Variants in MCHR2 observed in about 807,000 individuals in gnomAD.
MCHR2 encodes melanin-concentrating hormone receptor 2.
A neutral mutation model predicts 24.8 loss-of-function variants in MCHR2; 15 were observed. The ratio of observed to expected loss-of-function variants is 0.60; its 90% CI spans 0.40 to 0.93. The LOEUF (loss-of-function observed/expected upper bound fraction) is 0.93. Ranked by LOEUF, MCHR2 falls within the 40% of genes least tolerant of loss-of-function variation. The probability of loss-of-function intolerance (pLI) is 0.00; values close to 1 mark genes in which losing one functional copy is unlikely to be tolerated. For synonymous variants in MCHR2, 151 were observed against 147.6 expected (o/e 1.02, Z -0.17); for missense variants, 386 against 408.7 (o/e 0.94, Z 0.48).
chr6:99,926,534 G>C (rs1164038154), intron 5 of MCHR2, among the ~76,000 whole-genome samples: 6 of 152,168 alleles, frequency 3.9e-5, no homozygotes, highest in Non-Finnish European at 8.8e-5. Flanking sequence ...ATTCTAACTG[G>C]TGTGAGATGG....
intron 2 of MCHR2, among the ~76,000 whole-genome samples, chr6:99,955,384 C>A (rs1441913196): frequency 6.6e-6 from 1 of 152,138 alleles, no homozygotes; most frequent in East Asian, 1.9e-4. Flanking sequence ...TACTCGGGGG[C>A]AGATGTCTCT....
Position 99,943,028 on chromosome 6 carries a change from C to T in MCHR2, c.508G>A (p.Val170Ile), listed in dbSNP as rs974995554. 23 of 1,613,118 alleles carry T rather than the reference C, an allele frequency of 1.4e-5. No individual in the cohort carries two copies. Among genetic ancestry groups the T allele is most frequent in the Non-Finnish European group, 1.9e-5 (22 of 1,179,390 alleles). The change falls in exon 4 of 6, where the codon GTC (valine) becomes ATC (isoleucine). Residue 170 changes from valine (V) to isoleucine (I), a missense_variant. By Grantham distance (29) the Val-to-Ile change is conservative. Transcript: ENST00000281806. The stretch of plus-strand genomic sequence containing the variant: ...TTAAATTTGATGACCTTCGAGTAGA[C>T]CCAGACAGGCAATGCCAGGATAAAG... ...ASFILALPVW[V>I]YSKVIKFKDG... is the part of the protein sequence containing the mutation.
intron 3 of MCHR2, among the ~76,000 whole-genome samples, chr6:99,946,535 C>A (rs1156324443): frequency 1.3e-5 from 2 of 152,058 alleles, no homozygotes; most frequent in Non-Finnish European, 2.9e-5. Flanking sequence ...TTTAACATAC[C>A]CTTCAAGACA....
chr6:99,938,175 G>C (rs866923360), intron 4 of MCHR2, among the ~76,000 whole-genome samples: 9 of 151,646 alleles, frequency 5.9e-5, no homozygotes, highest in Non-Finnish European at 1.2e-4. Flanking sequence ...ATCGTCTGTA[G>C]TTTTTTTAGT....
intron 5 of MCHR2, among the ~76,000 whole-genome samples, chr6:99,927,893 G>C (rs1356916031): frequency 6.6e-6 from 1 of 152,092 alleles, no homozygotes; most frequent in Non-Finnish European, 1.5e-5. Context: ...AGTGGTGAGA[G>C]AGGGCATCCC....
intron 1 of MCHR2, among the ~76,000 whole-genome samples, chr6:99,969,733 C>A (rs1455296655): frequency 8.4e-6 from 1 of 118,734 alleles, no homozygotes; most frequent in Non-Finnish European, 1.6e-5. Flanking sequence ...CCACAACAGT[C>A]CCCAGAGTGT....
At chr6:99,947,164 A>G (rs1438017098) in intron 3 of MCHR2, among the ~76,000 whole-genome samples, 3 of 152,196 alleles carry the variant, frequency 2.0e-5, no homozygotes. Flanking sequence ...TTCTAATAAT[A>G]TAAAATAACA....
At chr6:99,930,282 C>T (rs1421856295) in intron 5 of MCHR2, among the ~76,000 whole-genome samples, 1 of 152,116 alleles carries the variant, frequency 6.6e-6, no homozygotes, top group East Asian at 1.9e-4. Flanking sequence ...TTTTTTCCTT[C>T]ATTTCAACTT....
At chr6:99,975,620 G>A (rs1375358642) in intron 1 of MCHR2, among the ~76,000 whole-genome samples, 9 of 152,320 alleles carry the variant, frequency 5.9e-5, no homozygotes, top group Non-Finnish European at 1.0e-4. Flanking sequence ...AGATGAACCC[G>A]GTGCCTCAGA....
chr6:99,931,268 G>A (rs1774526060), intron 5 of MCHR2, among the ~76,000 whole-genome samples: 1 of 152,200 alleles, frequency 6.6e-6, no homozygotes, highest in Non-Finnish European at 1.5e-5. Flanking sequence ...CTCCCAGTTA[G>A]GCTGCTCGGG....
At chr6:99,992,716 T>C (rs1354200992) in intron 1 of MCHR2, among the ~76,000 whole-genome samples, 3 of 152,242 alleles carry the variant, frequency 2.0e-5, no homozygotes, top group South Asian at 4.1e-4. Context: ...TGCAGTCTAA[T>C]AGTCTGTGTT....
intron 3 of MCHR2, among the ~76,000 whole-genome samples, chr6:99,943,432 C>A (rs1275721122): frequency 2.0e-5 from 3 of 150,660 alleles, no homozygotes; most frequent in Non-Finnish European, 4.4e-5. Flanking sequence ...TGTGCTGCAC[C>A]CATTAACTCG....
At chr6:99,992,124 C>G (rs187662385) in intron 1 of MCHR2, among the ~76,000 whole-genome samples, 1 of 152,208 alleles carries the variant, frequency 6.6e-6, no homozygotes, top group Admixed American at 6.5e-5. Flanking sequence ...GGTGTCACTG[C>G]GGAAGGCAGA....
intron 1 of MCHR2, among the ~76,000 whole-genome samples, chr6:99,987,376 C>T (rs1486199991): frequency 1.3e-5 from 2 of 152,114 alleles, no homozygotes; most frequent in African/African-American, 4.8e-5. Context: ...CCTTCTTTCC[C>T]TCTTCCTCTT....
intron 1 of MCHR2, among the ~76,000 whole-genome samples, chr6:99,958,880 GT>G (rs1343150823): frequency 2.0e-5 from 3 of 152,124 alleles, no homozygotes; most frequent in Non-Finnish European, 4.4e-5. Flanking sequence ...TTGGGGACAG[GT>G]TTTTGTCTCA....
intron 1 of MCHR2, among the ~76,000 whole-genome samples, chr6:99,970,814 A>G (rs1433500587): frequency 2.6e-5 from 4 of 152,348 alleles, no homozygotes; most frequent in African/African-American, 9.6e-5. Context: ...TTTATTAAAT[A>G]GGGATTCCTT....
intron 1 of MCHR2, among the ~76,000 whole-genome samples, chr6:99,987,925 G>A (rs1775799648): frequency 6.6e-6 from 1 of 152,150 alleles, no homozygotes; most frequent in African/African-American, 2.4e-5. Context: ...AGTCTATAGA[G>A]GGTTAATCAT....
chr6:99,958,191 A>G (rs1775104781), intron 1 of MCHR2, among the ~76,000 whole-genome samples: 1 of 152,080 alleles, frequency 6.6e-6, no homozygotes, highest in Non-Finnish European at 1.5e-5. Context: ...ATACATATAT[A>G]TTACACTTGA....
chr6:99,929,867 T>A (rs1774471329), intron 5 of MCHR2, among the ~76,000 whole-genome samples: 1 of 149,968 alleles, frequency 6.7e-6, no homozygotes, highest in Non-Finnish European at 1.5e-5. Context: ...ATGTGTGAAT[T>A]TGATCCTGTC....
Sources: gnomAD v4.1 joint callset for allele counts (sites outside exome capture counted in the v4.1 genomes callset) on GRCh38, gnomAD v4.1.1 for gene constraint, MANE v1.5 for transcripts, NCBI Gene and HGNC (gene_info 2026-07-23, HGNC 2026-07-21) for gene names.